The following ELMO1 variants were observed in gnomAD, a reference collection of about 807,000 sequenced individuals.
The protein encoded by ELMO1 is engulfment and cell motility 1, also known as engulfment and cell motility protein 1.
In ELMO1, 26 loss-of-function variants were observed where a neutral mutation model predicts 98.9. The observed-to-expected ratio is 0.26, with a 90% CI of 0.19 to 0.36. The LOEUF is 0.36. ELMO1 is among the 10% of genes least tolerant of loss of function. The pLI is 1.00. For missense variants in ELMO1, 627 were observed against 935.2 expected, an observed-to-expected ratio of 0.67 and a Z score of 4.30; for synonymous variants, 346 against 346.0, an observed-to-expected ratio of 1.00 and a Z score of 0.00.
At chr7:37,152,444 CTTTT>C (rs11421529) in intron 13 of ELMO1, among the ~76,000 whole-genome samples, 13 of 143,808 alleles carry the variant, frequency 9.0e-5, no homozygotes, top group Admixed American at 1.4e-4. Context: ...AATGTTGGGG[CTTTT>C]TTTTTTTTTT....
chr7:37,328,715 A>G (rs1233407792), intron 2 of ELMO1, among the ~76,000 whole-genome samples: 1 of 152,162 alleles, frequency 6.6e-6, no homozygotes, highest in Non-Finnish European at 1.5e-5. Flanking sequence ...ATCCTAAATT[A>G]ACACTGGAAC....
chr7:37,274,738 A>C (rs1796735238), intron 4 of ELMO1, among the ~76,000 whole-genome samples: 1 of 152,082 alleles, frequency 6.6e-6, no homozygotes, highest in South Asian at 2.1e-4. Context: ...TTTTTAGTAG[A>C]GGCGAGGTTT....
chr7:36,995,571 G>T (rs911202943), intron 16 of ELMO1, among the ~76,000 whole-genome samples: 16 of 151,468 alleles, frequency 1.1e-4, no homozygotes, highest in African/African-American at 3.9e-4. Context: ...ATATAATTTT[G>T]CAGGCTGCTC....
At chr7:37,328,015 C>CAT in intron 2 of ELMO1, among the ~76,000 whole-genome samples, 1 of 152,174 alleles carries the variant, frequency 6.6e-6, no homozygotes, top group East Asian at 1.9e-4. Flanking sequence ...GAGTGACTAC[C>CAT]ATATACTCCC....
intron 1 of ELMO1, among the ~76,000 whole-genome samples, chr7:37,418,534 C>G (rs1263855321): frequency 6.6e-6 from 1 of 152,160 alleles, no homozygotes; most frequent in Non-Finnish European, 1.5e-5. Context: ...GCCCAGGCCC[C>G]TGGGGTGAGC....
chr7:37,290,512 G>A (rs1797620168), intron 4 of ELMO1, among the ~76,000 whole-genome samples: 1 of 152,058 alleles, frequency 6.6e-6, no homozygotes, highest in South Asian at 2.1e-4. Context: ...TTCAATAAGA[G>A]CTATATAAAC....
intron 16 of ELMO1, among the ~76,000 whole-genome samples, chr7:36,933,611 G>A (rs1473210736): frequency 1.3e-5 from 2 of 152,294 alleles, no homozygotes; most frequent in East Asian, 1.9e-4. Flanking sequence ...TGTGTGCAAC[G>A]CTTTCCTGCT....
At chr7:37,106,508 C>A (rs762072938) in intron 14 of ELMO1, among the ~76,000 whole-genome samples, 18 of 152,192 alleles carry the variant, frequency 1.2e-4, no homozygotes, top group Non-Finnish European at 2.5e-4. Flanking sequence ...ATGCCTTAAT[C>A]TTGGACTTCC....
rs551705207 is a variant in ELMO1, at chr7:37,099,791, T to G, written c.1192-3064A>C. 4.3e-4 allele frequency among the ~76,000 whole-genome samples: 66 copies of G among 152,236 alleles called. 1 individual carries two copies. The highest frequency in any genetic ancestry group is 1.6e-3 in the African/African-American group (66 of 41,550). ...GCTGAAACAAAAGGCAGAGGTGACT[T>G]TCTAGCATCCCAGAGCTAGCCTGTG... On this transcript the variant is annotated intron_variant, in intron 14 of 21. Coordinates refer to ENST00000310758, the MANE Select transcript of ELMO1 (RefSeq NM_014800.11).
At chr7:37,374,116 T>C (rs1274555215) in intron 1 of ELMO1, among the ~76,000 whole-genome samples, 2 of 152,166 alleles carry the variant, frequency 1.3e-5, no homozygotes, top group Non-Finnish European at 2.9e-5. Flanking sequence ...CTCTAGTTTA[T>C]TACACCCTGA....
At chr7:37,130,839 T>C (rs950973120) in intron 14 of ELMO1, among the ~76,000 whole-genome samples, 2 of 152,152 alleles carry the variant, frequency 1.3e-5, no homozygotes, top group African/African-American at 2.4e-5. Flanking sequence ...AGTGAGGCTA[T>C]ATTCAGGTAC....
intron 16 of ELMO1, among the ~76,000 whole-genome samples, chr7:36,996,197 C>T (rs113367710): frequency 3.9e-4 from 59 of 152,234 alleles, no homozygotes; most frequent in African/African-American, 1.3e-3. Context: ...TAAAAGAAAT[C>T]GCCACTAGAA....
chr7:37,328,395 A>G (rs1799932637), intron 2 of ELMO1, among the ~76,000 whole-genome samples: 1 of 150,620 alleles, frequency 6.6e-6, no homozygotes, highest in African/African-American at 2.4e-5. Context: ...AAAAAAAAAA[A>G]AAAAAAAAAA....
At chr7:37,063,675 T>C (rs962102083) in intron 15 of ELMO1, among the ~76,000 whole-genome samples, 3 of 152,154 alleles carry the variant, frequency 2.0e-5, no homozygotes, top group African/African-American at 7.2e-5. Flanking sequence ...TGTATGACCC[T>C]TGGCCTCATC....
chr7:36,963,331 T>C (rs535726214), intron 16 of ELMO1, among the ~76,000 whole-genome samples: 9 of 152,020 alleles, frequency 5.9e-5, no homozygotes, highest in South Asian at 2.1e-4. Context: ...TGAGCCGAGA[T>C]TGCGCCACTG....
At chr7:36,883,064 G>A (rs1562794397) in intron 18 of ELMO1, among the ~76,000 whole-genome samples, 2 of 152,194 alleles carry the variant, frequency 1.3e-5, no homozygotes, top group Admixed American at 1.3e-4. Flanking sequence ...ATGCCTGAAC[G>A]CACCACTTGG....
intron 16 of ELMO1, among the ~76,000 whole-genome samples, chr7:36,980,466 T>G (rs1790953194): frequency 6.6e-6 from 1 of 152,198 alleles, no homozygotes; most frequent in Non-Finnish European, 1.5e-5. Context: ...TCACCAAGTC[T>G]AAACTTCAGT....
At chr7:37,268,738 A>G (rs1796396329) in intron 5 of ELMO1, among the ~76,000 whole-genome samples, 1 of 152,232 alleles carries the variant, frequency 6.6e-6, no homozygotes, top group African/African-American at 2.4e-5. Flanking sequence ...GCCTATTACA[A>G]ATGAATTAAA....
chr7:36,918,224 G>A (rs1359758687), intron 16 of ELMO1, among the ~76,000 whole-genome samples: 1 of 152,072 alleles, frequency 6.6e-6, no homozygotes, highest in Non-Finnish European at 1.5e-5. Context: ...CTCCATATCT[G>A]AGGGCCAATT....
Sources: gnomAD v4.1 joint callset for allele counts (sites outside exome capture counted in the v4.1 genomes callset) on GRCh38, gnomAD v4.1.1 for gene constraint, MANE v1.5 for transcripts, NCBI Gene and HGNC (gene_info 2026-07-23, HGNC 2026-07-21) for gene names.